Variants in ZNF146 observed in about 807,000 individuals in gnomAD.
ZNF146 encodes zinc finger protein OZF.
A neutral mutation model predicts 22.2 loss-of-function variants in ZNF146; 9 were observed. The observed-to-expected ratio is 0.41, with a 90% confidence interval of 0.24 to 0.71. The LOEUF (loss-of-function observed/expected upper bound fraction) is 0.71, where lower values mean the gene tolerates loss of function less well. Ranked by LOEUF, ZNF146 falls within the 30% of genes least tolerant of loss-of-function variation. The pLI is 0.34. For synonymous variants in ZNF146, 108 were observed against 119.2 expected (o/e 0.91, Z 0.61); for missense variants, 194 against 344.8 (o/e 0.56, Z 3.46).
chr19:36,229,941 A>G (rs1266003834), intron 3 of ZNF146, among the ~76,000 whole-genome samples: 1 of 152,140 alleles, frequency 6.6e-6, no homozygotes, highest in Admixed American at 6.6e-5. Context: ...GCTGGTCTCC[A>G]ACTCCTATCC....
upstream of ZNF146, chr19:36,215,005 T>C (rs1379577669): frequency 6.6e-6 from 1 of 152,322 alleles, no homozygotes; most frequent in Admixed American, 6.5e-5. Context: ...AGAAGCGACG[T>C]TGCTGGTAAT....
At position 36,238,412 on chromosome 19, in the gene ZNF146, G is replaced by T. The variant is rs1977723807; in HGVS notation, c.*1093G>T. ...GAAGGGAAAATAATGAGTGTGGGAG[G>T]TGGGATGGGTATTGGTTAAAGGGGA... is the stretch of plus-strand genomic sequence containing the variant. On this transcript the variant is annotated 3_prime_UTR_variant, in exon 4 of 4. Coordinates refer to ENST00000443387, the MANE Select transcript of ZNF146 (RefSeq NM_007145.3). The T allele has an allele frequency of 6.0e-6, 1 of 167,068 alleles. No individual in the cohort carries two copies. The highest frequency in any genetic ancestry group is 1.5e-5 in the Non-Finnish European group (1 of 68,130). 10.3% of individuals were successfully genotyped at this position (167,068 alleles called of 1,614,324 possible).
chr19:36,234,395 A>G (rs1043817271), intron 3 of ZNF146, among the ~76,000 whole-genome samples: 1 of 152,158 alleles, frequency 6.6e-6, no homozygotes, highest in African/African-American at 2.4e-5. Context: ...ATAACAAAAT[A>G]CCGTTTCACA....
At position 36,237,145 on chromosome 19, in the gene ZNF146, A is replaced by G. The variant is rs201732634; in HGVS notation, c.705A>G (p.Thr235=). 1.2e-6 allele frequency: 2 copies of G among 1,614,058 alleles called. No homozygotes were observed. Among genetic ancestry groups the G allele is most frequent in the African/African-American group, 2.7e-5 (2 of 74,938 alleles). ...TCACTGTGCATGTGAGAAGCCATACAGGGGAGAAGCCCTATGGTTGTAATG... is the reference window on the plus strand; with the variant it reads ...TCACTGTGCATGTGAGAAGCCATACGGGGGAGAAGCCCTATGGTTGTAATG... The part of the protein sequence containing the change: ...SSLTVHVRSH[T]GEKPYGCNEC... The change falls in exon 4 of 4, where the codon ACA becomes ACG. Residue 235 remains threonine, a synonymous_variant. Coordinates refer to ENST00000443387, the MANE Select transcript of ZNF146 (RefSeq NM_007145.3).
chr19:36,227,403 A>AC (rs1233072771), intron 2 of ZNF146, among the ~76,000 whole-genome samples: 1 of 151,254 alleles, frequency 6.6e-6, no homozygotes, highest in Non-Finnish European at 1.5e-5. Context: ...AAAAAAAAAA[A>AC]AGATTTTTTT....
At chr19:36,215,588 G>A (rs1337087036) in intron 1 of ZNF146, among the ~76,000 whole-genome samples, 2 of 152,014 alleles carry the variant, frequency 1.3e-5, no homozygotes, top group Non-Finnish European at 2.9e-5. Context: ...GCTAAGTGGT[G>A]AATAATTTTA....
At chr19:36,232,078 C>G (rs1977400026) in intron 3 of ZNF146, among the ~76,000 whole-genome samples, 1 of 151,726 alleles carries the variant, frequency 6.6e-6, no homozygotes, top group Non-Finnish European at 1.5e-5. Flanking sequence ...TGATGCACAC[C>G]TATCGTCCCA....
chr19:36,229,149 T>G (rs988612299), intron 3 of ZNF146, among the ~76,000 whole-genome samples: 5 of 152,348 alleles, frequency 3.3e-5, no homozygotes, highest in African/African-American at 9.6e-5. Context: ...TTGTAAAACC[T>G]TACATATTGT....
Position 36,238,278 on chromosome 19 carries a change from C to G in ZNF146, c.*959C>G, listed in dbSNP as rs748237175. 2 of 167,078 alleles carry G rather than the reference C, an allele frequency of 1.2e-5. No homozygotes were observed. The highest frequency in any genetic ancestry group is 2.1e-4 in the South Asian group (1 of 4,832). The allele number at this position is 167,078 out of a possible 1,614,324, so 10.3% of individuals were successfully genotyped here. A position where few individuals can be genotyped will look rare whatever the true frequency, so the allele number is the denominator to read the frequency against. ...TTGAATTAAAAGTTTCCTCATAAAA[C>G]TCAGTACTATCTATTGGTAATGGAT... On this transcript the variant is annotated 3_prime_UTR_variant, in exon 4 of 4. Coordinates refer to ENST00000443387, the MANE Select transcript of ZNF146 (RefSeq NM_007145.3).
intron 3 of ZNF146, among the ~76,000 whole-genome samples, chr19:36,231,415 G>A (rs894568732): frequency 5.3e-5 from 8 of 152,050 alleles, no homozygotes; most frequent in Non-Finnish European, 1.0e-4. Flanking sequence ...CACCATGTTG[G>A]CCAGGCTGGT....
intron 2 of ZNF146, among the ~76,000 whole-genome samples, chr19:36,227,759 C>T (rs906114230): frequency 6.6e-6 from 1 of 152,158 alleles, no homozygotes; most frequent in African/African-American, 2.4e-5. Flanking sequence ...CACTGTGTTG[C>T]CCAGCCTGGT....
In ZNF146 at chr19:36,234,887, C is replaced by T. The variant is rs562884812; in HGVS notation, c.-782-772C>T. Among the ~76,000 whole-genome samples the T allele has an allele frequency of 3.3e-5, 5 of 152,270 alleles. No homozygotes were observed. The South Asian group carries it at 8.3e-4, about 25-fold the overall frequency. ...GAAGGTGTGTCCAGTCCTTTGTTCT[C>T]GTGACTGGACAGTGCATGTTCAACT... On this transcript the variant is annotated intron_variant, in intron 3 of 3. Transcript: ENST00000443387.
At chr19:36,219,107 C>T (rs1445400980) in intron 2 of ZNF146, among the ~76,000 whole-genome samples, 1 of 152,190 alleles carries the variant, frequency 6.6e-6, no homozygotes, top group African/African-American at 2.4e-5. Context: ...TGCGCCTGGC[C>T]ACTTAAAATT....
chr19:36,227,986 C>T (rs1977148286), intron 2 of ZNF146, among the ~76,000 whole-genome samples: 1 of 152,058 alleles, frequency 6.6e-6, no homozygotes, highest in South Asian at 2.1e-4. Context: ...CATGGTGAAA[C>T]TCTGTCTCTA....
At chr19:36,228,914 G>C (rs1977197108) in intron 3 of ZNF146, 95 bp downstream of exon 3, 1 of 152,192 alleles carries the variant, frequency 6.6e-6, no homozygotes, top group Non-Finnish European at 1.5e-5. Context: ...TAGACATATA[G>C]AGTATTGCTT....
chr19:36,220,615 C>T (rs534347431), intron 2 of ZNF146, among the ~76,000 whole-genome samples: 2 of 152,274 alleles, frequency 1.3e-5, no homozygotes, highest in East Asian at 3.9e-4. Flanking sequence ...ATCTGCCCAC[C>T]TTGGCCTCCC....
chr19:36,236,331 C>CT lies in ZNF146; in HGVS notation c.-108dup, dbSNP rs1977642608. On this transcript the variant is annotated 5_prime_UTR_variant, in exon 4 of 4. It removes the in-frame stop codon of an upstream open reading frame in the 5' UTR. Coordinates refer to ENST00000443387, the MANE Select transcript of ZNF146 (RefSeq NM_007145.3). ...TTTGGGAGATCATACACAGAGAAGC[C>CT]TTATAAATGTAAGAGATGTGGAAAT... The CT allele has an allele frequency of 7.6e-7, 1 of 1,318,976 alleles. No homozygotes were observed. The highest frequency in any genetic ancestry group is 1.0e-6 in the Non-Finnish European group (1 of 970,328). The allele number at this position is 1,318,976 out of a possible 1,614,324, so 81.7% of individuals were successfully genotyped here.
At chr19:36,235,381 G>A (rs376219524) in intron 3 of ZNF146, among the ~76,000 whole-genome samples, 11 of 152,084 alleles carry the variant, frequency 7.2e-5, no homozygotes, top group African/African-American at 2.2e-4. Flanking sequence ...TCAGCTTTGT[G>A]GACCCATGAA....
chr19:36,228,441 C>G (rs1977180154), intron 2 of ZNF146: 2 of 152,214 alleles, frequency 1.3e-5, no homozygotes, highest in Non-Finnish European at 2.9e-5. Flanking sequence ...GTGAACAGCT[C>G]TCCTGTGTAA....
Sources: allele counts gnomAD v4.1 joint callset (sites outside exome capture counted in the v4.1 genomes callset), GRCh38; gene constraint gnomAD v4.1.1; transcripts MANE v1.5; gene names NCBI Gene and HGNC (gene_info 2026-07-23, HGNC 2026-07-21).